Variants in AOAH observed in about 807,000 individuals in gnomAD.
AOAH encodes the protein acyloxyacyl hydrolase, also known as acyloxyacyl hydrolase (neutrophil).
Under a neutral mutation model 92.2 loss-of-function variants are expected in AOAH, and 64 were observed. That is an observed-to-expected ratio of 0.69 (90% CI 0.57 to 0.86). The LOEUF is 0.86. AOAH is among the 40% of genes least tolerant of loss of function. AOAH has a pLI of 0.00. For synonymous variants in AOAH, 263 were observed against 254.5 expected, an observed-to-expected ratio of 1.03 and a Z score of -0.32; for missense variants, 656 against 694.6, an observed-to-expected ratio of 0.94 and a Z score of 0.62.
At chr7:36,618,490 T>G in intron 9 of AOAH, 145 bp from the exon 10 acceptor site, 2 of 706,888 alleles carry the variant, frequency 2.8e-6, no homozygotes, top group East Asian at 5.4e-5. Context: ...TAATTCAACA[T>G]AGCAACGCCC....
Position 36,637,900 on chromosome 7 carries a change from T to G in AOAH, c.401A>C (p.Lys134Thr). Residue 134 changes from lysine (K) to threonine (T), a missense_variant, in exon 5 of 21, where the codon AAA (lysine) becomes ACA (threonine). Physicochemically the swap from Lys to Thr is moderately conservative, Grantham distance 78. Transcript: ENST00000617537. Reference sequence around the variant, plus strand: ...TTGTCTTGCCTTCTGTAGTGTAAATTTCCATGTCTCCTATAAAAACAAAGT... The same window carrying G: ...TTGTCTTGCCTTCTGTAGTGTAAATGTCCATGTCTCCTATAAAAACAAAGT... ...HLYPLPKETW[K>T]FTLQKARQIV... is the part of the protein sequence containing the mutation. The G allele has an allele frequency of 1.2e-6, 2 of 1,613,620 alleles. No homozygotes were observed. The highest frequency in any genetic ancestry group is 2.2e-5 in the East Asian group (1 of 44,880).
In AOAH at chr7:36,561,207, A is replaced by T. The variant is rs185328931; in HGVS notation, c.1022-11732T>A. On this transcript the variant is annotated intron_variant, in intron 13 of 20. Transcript: ENST00000617537. ...CCAGCACCCACCAGCATGCCCAGCT[A>T]ATTTTTGTATTTTTAGTAGAGATGG... Among the ~76,000 whole-genome samples the T allele has an allele frequency of 2.8e-3, 419 of 152,024 alleles. 1 individual carries two copies. The highest frequency in any genetic ancestry group is 8.4e-3 in the African/African-American group (349 of 41,468).
chr7:36,514,387 AG>A, intron 20 of AOAH: 1 of 1,041,178 alleles, frequency 9.6e-7, no homozygotes, highest in Non-Finnish European at 1.4e-6. Context: ...CTGTGAGGGC[AG>A]GGAGTCTGGC....
chr7:36,541,869 G>A (rs1785448126), intron 15 of AOAH, among the ~76,000 whole-genome samples: 1 of 152,126 alleles, frequency 6.6e-6, no homozygotes, highest in Non-Finnish European at 1.5e-5. Flanking sequence ...ATTAACTTGG[G>A]AGTAGAATAC....
intron 13 of AOAH, among the ~76,000 whole-genome samples, chr7:36,568,803 C>T (rs1240921767): frequency 6.6e-6 from 1 of 152,118 alleles, no homozygotes; most frequent in African/African-American, 2.4e-5. Context: ...ATATGCTGGC[C>T]TGAATTGTGC....
intron 6 of AOAH, among the ~76,000 whole-genome samples, chr7:36,631,104 G>C (rs1302675600): frequency 6.6e-6 from 1 of 152,190 alleles, no homozygotes; most frequent in Non-Finnish European, 1.5e-5. Context: ...CCAGCACTTT[G>C]GGAGGCTGAG....
chr7:36,605,172 C>T (rs754550941), intron 11 of AOAH, among the ~76,000 whole-genome samples: 5 of 152,144 alleles, frequency 3.3e-5, no homozygotes, highest in African/African-American at 9.7e-5. Flanking sequence ...GCCTCCTAGA[C>T]GTTTGACTAG....
At chr7:36,666,178 C>T (rs1474944318) in intron 3 of AOAH, among the ~76,000 whole-genome samples, 3 of 151,882 alleles carry the variant, frequency 2.0e-5, no homozygotes, top group African/African-American at 2.4e-5. Context: ...ATCAGGGCTT[C>T]GTGTTTTTTG....
At chr7:36,687,125 G>A (rs370878751) in intron 1 of AOAH, among the ~76,000 whole-genome samples, 2 of 152,110 alleles carry the variant, frequency 1.3e-5, no homozygotes, top group South Asian at 4.1e-4. Context: ...TTGGAAAAGC[G>A]GTGGAAATTG....
At chr7:36,723,152 C>G (rs1799756501) in intron 1 of AOAH, among the ~76,000 whole-genome samples, 5 of 152,028 alleles carry the variant, frequency 3.3e-5, no homozygotes, top group Admixed American at 2.6e-4. Flanking sequence ...ATTTTCCTGG[C>G]TTCTCAAGCT....
chr7:36,541,868 G>C (rs1234980836), intron 15 of AOAH, among the ~76,000 whole-genome samples: 1 of 152,048 alleles, frequency 6.6e-6, no homozygotes, highest in Admixed American at 6.5e-5. Context: ...CATTAACTTG[G>C]GAGTAGAATA....
chr7:36,674,618 C>A (rs75630813), intron 2 of AOAH, among the ~76,000 whole-genome samples: 2 of 152,308 alleles, frequency 1.3e-5, no homozygotes, highest in Non-Finnish European at 2.9e-5. Flanking sequence ...GTTCCTCTAT[C>A]CACCCAATGA....
At chr7:36,548,426 T>C (rs1313155376) in intron 15 of AOAH, among the ~76,000 whole-genome samples, 186 bp downstream of exon 15, 1 of 152,122 alleles carries the variant, frequency 6.6e-6, no homozygotes, top group African/African-American at 2.4e-5. Flanking sequence ...CCTCAGGTGA[T>C]CTGCCCACCT....
intron 2 of AOAH, among the ~76,000 whole-genome samples, chr7:36,686,386 G>A (rs1216357953): frequency 6.6e-6 from 1 of 152,140 alleles, no homozygotes; most frequent in Non-Finnish European, 1.5e-5. Context: ...TAGTACTTAA[G>A]GCAATGATCA....
chr7:36,707,331 C>T (rs1448598224), intron 1 of AOAH, among the ~76,000 whole-genome samples: 3 of 151,970 alleles, frequency 2.0e-5, no homozygotes, highest in African/African-American at 2.4e-5. Flanking sequence ...AGGTTGCTGT[C>T]TTATATGGGT....
intron 2 of AOAH, among the ~76,000 whole-genome samples, chr7:36,680,598 C>T (rs76705361): frequency 0.014 from 2,079 of 152,264 alleles, 65 homozygotes; most frequent in African/African-American, 0.047. Context: ...GCTAGGAGAA[C>T]GTCTATCTTT....
chr7:36,577,180 G>A (rs73105202), intron 12 of AOAH, among the ~76,000 whole-genome samples: 2,909 of 152,170 alleles, frequency 0.019, 37 homozygotes, highest in Non-Finnish European at 0.028. Flanking sequence ...TGAGGATTGC[G>A]TTTTCCAGCT....
At chr7:36,581,489 T>C (rs934338261) in intron 12 of AOAH, among the ~76,000 whole-genome samples, 7 of 152,202 alleles carry the variant, frequency 4.6e-5, no homozygotes, top group African/African-American at 1.7e-4. Flanking sequence ...CTGCCTTGAG[T>C]ATTTTATTAT....
chr7:36,646,100 T>TA (rs766726887), intron 4 of AOAH, among the ~76,000 whole-genome samples: 44 of 152,258 alleles, frequency 2.9e-4, no homozygotes, highest in Non-Finnish European at 5.6e-4. Flanking sequence ...ACCACTCTGC[T>TA]ATAGAGTTCT....
Sources: gnomAD v4.1 joint callset for allele counts (sites outside exome capture counted in the v4.1 genomes callset) on GRCh38, gnomAD v4.1.1 for gene constraint, MANE v1.5 for transcripts, NCBI Gene and HGNC (gene_info 2026-07-23, HGNC 2026-07-21) for gene names.